The following DYNC2H1 variants were observed in gnomAD, a reference collection of about 807,000 sequenced individuals.
DYNC2H1 encodes cytoplasmic dynein 2 heavy chain 1.
DYNC2H1 carries 410 observed loss-of-function variants against 570.0 expected under a neutral mutation model. That is an observed-to-expected ratio of 0.72 (90% CI 0.66 to 0.78). The LOEUF is 0.78. Among genes scored for constraint, DYNC2H1 ranks in the 30% least tolerant of loss-of-function variants. The probability of loss-of-function intolerance (pLI) is 0.00; values close to 1 mark genes in which losing one functional copy is unlikely to be tolerated. For missense variants in DYNC2H1, 4,865 were observed against 5,046.4 expected (o/e 0.96, Z 1.09); for synonymous variants, 1,688 against 1,677.6 (o/e 1.01, Z -0.15).
intron 82 of DYNC2H1, among the ~76,000 whole-genome samples, chr11:103,341,026 T>G (rs1326751380): frequency 6.6e-6 from 1 of 152,136 alleles, no homozygotes; most frequent in Admixed American, 6.5e-5. Context: ...GTAACATGAT[T>G]GGTGGAACCT....
intron 1 of DYNC2H1, among the ~76,000 whole-genome samples, chr11:103,111,734 T>G (rs531847566): frequency 6.6e-6 from 1 of 152,272 alleles, no homozygotes; most frequent in East Asian, 1.9e-4. Flanking sequence ...AGCCCAACGA[T>G]GTATCTGTTA....
At chr11:103,416,438 C>T (rs1036927549) in intron 84 of DYNC2H1, among the ~76,000 whole-genome samples, 11 of 152,282 alleles carry the variant, frequency 7.2e-5, no homozygotes, top group African/African-American at 2.4e-4. Flanking sequence ...AACTATACTA[C>T]AAGGCTACAG....
chr11:103,476,833 T>C (rs1415001355), intron 88 of DYNC2H1, among the ~76,000 whole-genome samples: 2 of 152,136 alleles, frequency 1.3e-5, no homozygotes, highest in Non-Finnish European at 2.9e-5. Context: ...GGCTTAAAAG[T>C]AGAATGTCTT....
At chr11:103,165,343 G>A (rs1861260047) in intron 30 of DYNC2H1, among the ~76,000 whole-genome samples, 1 of 152,094 alleles carries the variant, frequency 6.6e-6, no homozygotes, top group African/African-American at 2.4e-5. Flanking sequence ...TAACCAGGCT[G>A]GTCTTGAACT....
chr11:103,260,709 T>A (rs965055558), intron 70 of DYNC2H1, among the ~76,000 whole-genome samples: 1 of 150,532 alleles, frequency 6.6e-6, no homozygotes, highest in African/African-American at 2.5e-5. Flanking sequence ...AAGCTCTGCC[T>A]CCTGGGTTCA....
At chr11:103,337,223 A>G (rs1256499536) in intron 82 of DYNC2H1, among the ~76,000 whole-genome samples, 1 of 152,186 alleles carries the variant, frequency 6.6e-6, no homozygotes, top group African/African-American at 2.4e-5. Flanking sequence ...AGTTAATCTG[A>G]AATCTATAGA....
chr11:103,122,616 C>T (rs992285851), intron 10 of DYNC2H1, among the ~76,000 whole-genome samples: 3 of 152,160 alleles, frequency 2.0e-5, no homozygotes, highest in Non-Finnish European at 2.9e-5. Flanking sequence ...ATGGGTTATC[C>T]TCTTGCGTTT....
At position 103,311,952 on chromosome 11, in the gene DYNC2H1, TA is replaced by T. The variant is rs1260506275; in HGVS notation, c.11570del (p.Asn3857IlefsTer75). On this transcript the variant is annotated frameshift_variant, in exon 79 of 89. Transcript: ENST00000375735. LOFTEE classifies it high-confidence loss of function. ...CTCCTGAGCAAATTAGCAAAAAAGA[TA>T]ATACACATCGAGCTCATGCTCTCTT... ...WTPEQISKKD[N>X]THRAHALFSL... is the part of the protein sequence containing the mutation. 1 of 1,613,704 alleles carries T rather than the reference TA, an allele frequency of 6.2e-7. No individual in the cohort carries two copies. The highest frequency in any genetic ancestry group is 8.5e-7 in the Non-Finnish European group (1 of 1,179,826).
At chr11:103,427,732 A>AG (rs1400657880) in intron 84 of DYNC2H1, among the ~76,000 whole-genome samples, 3 of 152,194 alleles carry the variant, frequency 2.0e-5, no homozygotes, top group Non-Finnish European at 2.9e-5. Flanking sequence ...TCCCACCACG[A>AG]GGGGCTGCTC....
rs775505863 is a variant in DYNC2H1 at position 103,323,957 on chromosome 11, C to T, written c.12006C>T (p.Ile4002=). The part of the protein sequence containing the change: ...KPSFFGLPAN[I]ARSSQRMISS... ...GTTTCTTTGGTCTGCCTGCCAATAT[C>T]GCTCGCTCATCTCAGCGCATGATCA... Residue 4002 remains isoleucine, a synonymous_variant, in exon 82 of 89, where the codon ATC becomes ATT. Transcript: ENST00000375735. 120 of 1,612,392 alleles carry T rather than the reference C, an allele frequency of 7.4e-5. No individual in the cohort carries two copies. The highest frequency in any genetic ancestry group is 1.6e-4 in the Middle Eastern group (1 of 6,068).
chr11:103,134,129 C>A (rs1403401005), intron 14 of DYNC2H1, among the ~76,000 whole-genome samples, 192 bp from the exon 15 acceptor site: 1 of 152,106 alleles, frequency 6.6e-6, no homozygotes, highest in Non-Finnish European at 1.5e-5. Context: ...TTGGGGCTAT[C>A]TTATTTTGGC....
chr11:103,347,701 A>G (rs904104682), intron 82 of DYNC2H1, among the ~76,000 whole-genome samples: 1 of 152,174 alleles, frequency 6.6e-6, no homozygotes, highest in East Asian at 1.9e-4. Context: ...ATTTACATGT[A>G]TGTTCTTGAC....
chr11:103,157,426 C>T lies in DYNC2H1; in HGVS notation c.4127+656C>T, dbSNP rs1004642203. 3.3e-5 allele frequency among the ~76,000 whole-genome samples: 5 copies of T among 152,240 alleles called. No homozygotes were observed. Among genetic ancestry groups the T allele is most frequent in the Non-Finnish European group, 7.3e-5 (5 of 68,040 alleles). On this transcript the variant is annotated intron_variant, in intron 26 of 88. Transcript: ENST00000375735. This position sits in a 1 kb window ranked among gnomAD's most constrained non-coding sequence, Gnocchi z 4.2. ...AATCCATGAGCTTAATTTACCAGTT[C>T]CTTTCCAACAAATCTTTCTTCTTTC...
intron 65 of DYNC2H1, among the ~76,000 whole-genome samples, chr11:103,246,635 G>A (rs1191348362): frequency 6.6e-6 from 1 of 151,934 alleles, no homozygotes; most frequent in Non-Finnish European, 1.5e-5. Flanking sequence ...TTCTCCGCAG[G>A]GTTGGATGTA....
intron 30 of DYNC2H1, among the ~76,000 whole-genome samples, chr11:103,165,278 C>T (rs1861257229): frequency 6.6e-6 from 1 of 152,094 alleles, no homozygotes; most frequent in Non-Finnish European, 1.5e-5. Flanking sequence ...CAGGCATGTG[C>T]CACCATACCT....
chr11:103,114,291 A>G, intron 3 of DYNC2H1, 53 bp downstream of exon 3: 6 of 1,444,976 alleles, frequency 4.2e-6, no homozygotes, highest in Middle Eastern at 2.4e-4. Context: ...TCTCATTAAT[A>G]CATTAGTAAA....
At position 103,147,809 on chromosome 11, in the gene DYNC2H1, C is replaced by A. The variant is rs1318062169; in HGVS notation, c.2740C>A (p.Pro914Thr). The change falls in exon 19 of 89, where the codon CCT becomes ACT. Residue 914 changes from proline to threonine, a missense_variant. Around this residue, in one of 5 missense-constraint regions of DYNC2H1, gnomAD observed 1,936 missense variants for 1,962.1 expected, o/e 0.99. Transcript: ENST00000375735. Reference protein sequence around the residue: ...KVDCLNINCNPVKTVIDDLIQ... With the variant: ...KVDCLNINCNTVKTVIDDLIQ... The stretch of plus-strand genomic sequence containing the variant: ...AGATTGTTTAAATATTAATTGCAAC[C>A]CTGTGAAGACTGTGATTGATGATCT... The A allele has an allele frequency of 6.2e-7, 1 of 1,610,538 alleles. No individual in the cohort carries two copies. The highest frequency in any genetic ancestry group is 8.5e-7 in the Non-Finnish European group (1 of 1,178,802).
At chr11:103,137,491 C>T (rs1859634402) in intron 17 of DYNC2H1, among the ~76,000 whole-genome samples, 1 of 152,118 alleles carries the variant, frequency 6.6e-6, no homozygotes, top group South Asian at 2.1e-4. Flanking sequence ...GGAATCCTTT[C>T]CCCATTGCTT....
At position 103,236,495 on chromosome 11, in the gene DYNC2H1, C is replaced by T; in HGVS notation, c.9775C>T (p.Pro3259Ser). 6.2e-7 allele frequency: 1 copy of T among 1,608,240 alleles called. No homozygotes were observed. Among genetic ancestry groups the T allele is most frequent in the Non-Finnish European group, 8.5e-7 (1 of 1,175,842 alleles). The change falls in exon 63 of 89, where the codon CCA becomes TCA. Residue 3259 changes from proline to serine, a missense_variant. Around this residue, in one of 5 missense-constraint regions of DYNC2H1, gnomAD observed 2,401 missense variants for 2,454.6 expected, o/e 0.98. Transcript: ENST00000375735. Reference protein sequence around the residue: ...EQLIWKSEGLPSDDLSIENAL... With the variant: ...EQLIWKSEGLSSDDLSIENAL... Reference sequence around the variant, plus strand: ...GTTAATTTGGAAAAGTGAAGGCCTACCATCAGATGACCTTTCCATAGAAAA... The same window carrying T: ...GTTAATTTGGAAAAGTGAAGGCCTATCATCAGATGACCTTTCCATAGAAAA...
Sources: gnomAD v4.1 joint callset for allele counts (sites outside exome capture counted in the v4.1 genomes callset) on GRCh38, gnomAD v4.1.1 for gene constraint, gnomAD v4.1.1 regional missense constraint, Gnocchi (gnomAD v3.1) non-coding constraint, MANE v1.5 for transcripts, NCBI Gene and HGNC (gene_info 2026-07-23, HGNC 2026-07-21) for gene names.